The following FAM13A variants were observed in gnomAD, a reference collection of about 807,000 sequenced individuals.
The protein encoded by FAM13A is family with sequence similarity 13 member A, also known as protein FAM13A.
In FAM13A, 76 loss-of-function variants were observed where a neutral mutation model predicts 129.6. The ratio of observed to expected loss-of-function variants is 0.59; its 90% CI spans 0.49 to 0.71. The LOEUF (loss-of-function observed/expected upper bound fraction) is 0.71, where lower values mean the gene tolerates loss of function less well. Ranked by LOEUF, FAM13A falls within the 30% of genes least tolerant of loss-of-function variation. FAM13A has a pLI of 0.00. For synonymous variants in FAM13A, 443 were observed against 449.9 expected (o/e 0.98, Z 0.20); for missense variants, 1,108 against 1,249.3 (o/e 0.89, Z 1.70).
intron 1 of FAM13A, among the ~76,000 whole-genome samples, chr4:89,054,113 T>C (rs1250626941): frequency 1.3e-5 from 2 of 152,158 alleles, no homozygotes; most frequent in Non-Finnish European, 2.9e-5. Flanking sequence ...TTTTTGAGCC[T>C]ACAACAGTAT....
chr4:88,783,034 A>G (rs892450585), intron 10 of FAM13A, among the ~76,000 whole-genome samples: 2 of 152,064 alleles, frequency 1.3e-5, no homozygotes, highest in African/African-American at 4.8e-5. Context: ...TACAGGGTAC[A>G]TGAGATATTT....
intron 5 of FAM13A, among the ~76,000 whole-genome samples, chr4:88,923,458 A>G (rs1424391120): frequency 6.6e-6 from 1 of 152,232 alleles, no homozygotes; most frequent in Non-Finnish European, 1.5e-5. Flanking sequence ...AAACCACATG[A>G]TTATCTCGAA....
At chr4:88,738,937 T>G in intron 20 of FAM13A, 93 bp downstream of exon 20, 1 of 815,194 alleles carries the variant, frequency 1.2e-6, no homozygotes, top group Non-Finnish European at 2.1e-6. Flanking sequence ...GCCTATTCTT[T>G]AATGAGAAAG....
At chr4:88,933,923 C>T (rs1753441098) in intron 5 of FAM13A, among the ~76,000 whole-genome samples, 1 of 152,172 alleles carries the variant, frequency 6.6e-6, no homozygotes, top group South Asian at 2.1e-4. Context: ...TATGAATAGA[C>T]ACAATCTGCT....
At chr4:89,042,738 T>C (rs982039306) in intron 1 of FAM13A, among the ~76,000 whole-genome samples, 2 of 132,232 alleles carry the variant, frequency 1.5e-5, no homozygotes, top group African/African-American at 5.8e-5. Flanking sequence ...AGATAATCCA[T>C]TTAAATTTCT....
chr4:88,746,902 C>A, intron 19 of FAM13A, 30 bp downstream of exon 19: 2 of 1,421,372 alleles, frequency 1.4e-6, no homozygotes, highest in Non-Finnish European at 2.0e-6. Context: ...GATAATTGAC[C>A]CCAATCAGAA....
intron 21 of FAM13A, among the ~76,000 whole-genome samples, chr4:88,733,844 T>G (rs1738407202): frequency 6.6e-6 from 1 of 152,224 alleles, no homozygotes; most frequent in Admixed American, 6.5e-5. Context: ...AATAAGAACT[T>G]AACGACCTTT....
At chr4:88,908,289 G>A (rs1450942264) in intron 5 of FAM13A, among the ~76,000 whole-genome samples, 2 of 152,208 alleles carry the variant, frequency 1.3e-5, no homozygotes, top group Non-Finnish European at 2.9e-5. Context: ...ACATTTAGGA[G>A]AGCCAACTGC....
chr4:88,982,411 T>C (rs777051968), intron 4 of FAM13A, among the ~76,000 whole-genome samples: 1 of 152,256 alleles, frequency 6.6e-6, no homozygotes, highest in African/African-American at 2.4e-5. Flanking sequence ...ACATGGATTC[T>C]AACTCTGCCA....
chr4:88,976,811 G>GT (rs1375863384), intron 4 of FAM13A, among the ~76,000 whole-genome samples: 3 of 132,522 alleles, frequency 2.3e-5, no homozygotes, highest in Non-Finnish European at 4.9e-5. Context: ...CTTTTATAGT[G>GT]TATCTTTATT....
chr4:88,749,971 C>T (rs1742215999), intron 15 of FAM13A, 62 bp from the exon 16 acceptor site: 12 of 1,583,568 alleles, frequency 7.6e-6, no homozygotes, highest in East Asian at 2.2e-5. Flanking sequence ...CTAGAGGGGC[C>T]CTGGGGAAGT....
chr4:88,847,885 G>A (rs539011030), intron 7 of FAM13A, among the ~76,000 whole-genome samples: 2 of 151,748 alleles, frequency 1.3e-5, no homozygotes, highest in Non-Finnish European at 1.5e-5. Context: ...TGCAGTGAGC[G>A]GAGATTGCAG....
intron 6 of FAM13A, among the ~76,000 whole-genome samples, chr4:88,898,484 C>A (rs889513030): frequency 6.6e-6 from 1 of 151,920 alleles, no homozygotes; most frequent in Non-Finnish European, 1.5e-5. Flanking sequence ...AGAAAAAAAT[C>A]AAAGCATAAG....
At chr4:89,039,988 T>TTGTC (rs1769900721) in intron 1 of FAM13A, among the ~76,000 whole-genome samples, 4 of 151,764 alleles carry the variant, frequency 2.6e-5, no homozygotes, top group Admixed American at 6.6e-5. Context: ...AAACAGCCAA[T>TTGTC]TGTCTCATCA....
chr4:88,749,557 A>AT (rs372946827), intron 16 of FAM13A, among the ~76,000 whole-genome samples: 121 of 147,878 alleles, frequency 8.2e-4, no homozygotes, highest in African/African-American at 8.6e-4. Flanking sequence ...TTAAGCTTTC[A>AT]TTTTTTTTTT....
intron 6 of FAM13A, among the ~76,000 whole-genome samples, chr4:88,868,257 C>T (rs1333976069): frequency 2.0e-5 from 3 of 152,206 alleles, no homozygotes; most frequent in African/African-American, 7.2e-5. Context: ...ATCTCACAGA[C>T]TCCATGCCCC....
intron 7 of FAM13A, among the ~76,000 whole-genome samples, chr4:88,809,575 T>C (rs1729240232): frequency 6.6e-6 from 1 of 151,924 alleles, no homozygotes. Flanking sequence ...AAAAGAAAAG[T>C]ATAAAGTAAA....
Position 88,787,927 on chromosome 4 carries a change from A to G in FAM13A, c.1097T>C (p.Leu366Ser). ...VSNVSATGEL[L>S]ERTIRSAVEQ... ...TACAGCTGATCGGATGGTTCTTTCT[A>G]AGAGTCTGGCAAAAAAGAATGCAGA... The change falls in exon 10 of 24, where the codon TTA becomes TCA. Residue 366 changes from leucine to serine, a missense_variant. By Grantham distance (145) the Leu-to-Ser change is moderately radical. This residue lies in a region of FAM13A where 566 missense variants were observed against 595.7 expected (regional missense o/e 0.95). Transcript: ENST00000264344. 3 of 1,611,982 alleles carry G rather than the reference A, an allele frequency of 1.9e-6. No homozygotes were observed. Among genetic ancestry groups the G allele is most frequent in the Non-Finnish European group, 1.7e-6 (2 of 1,178,940 alleles).
chr4:88,787,986 C>A (rs550112023), intron 9 of FAM13A, 54 bp from the exon 10 acceptor site: 1 of 1,442,502 alleles, frequency 6.9e-7, no homozygotes, highest in African/African-American at 1.4e-5. Context: ...CAGTGATCAC[C>A]TTAAAAAATC....
Sources: gnomAD v4.1 joint callset for allele counts (sites outside exome capture counted in the v4.1 genomes callset) on GRCh38, gnomAD v4.1.1 for gene constraint, gnomAD v4.1.1 regional missense constraint, MANE v1.5 for transcripts, NCBI Gene and HGNC (gene_info 2026-07-23, HGNC 2026-07-21) for gene names.